Variants in ARF4 observed in about 807,000 individuals in gnomAD.
ARF4 encodes the protein ADP-ribosylation factor 4.
Under a neutral mutation model 24.3 loss-of-function variants are expected in ARF4, and 5 were observed. The observed-to-expected ratio is 0.21, with a 90% CI of 0.11 to 0.43. ARF4 has a LOEUF of 0.43. Ranked by LOEUF, ARF4 falls within the 20% of genes least tolerant of loss-of-function variation. The pLI is 1.00. For synonymous variants in ARF4, 62 were observed against 73.5 expected (o/e 0.84, Z 0.80); for missense variants, 107 against 213.0 (o/e 0.50, Z 3.10).
chr3:57,572,328 T>A (rs770416100), intron 5 of ARF4, 30 bp from the exon 6 acceptor site: 6 of 1,524,236 alleles, frequency 3.9e-6, no homozygotes, highest in Non-Finnish European at 5.4e-6. Context: ...AAATACTTGA[T>A]TAACAAAGTT....
intron 1 of ARF4, among the ~76,000 whole-genome samples, chr3:57,585,819 CA>C (rs1264366877): frequency 1.3e-5 from 2 of 152,016 alleles, no homozygotes; most frequent in Non-Finnish European, 2.9e-5. Flanking sequence ...CGTGCCACCA[CA>C]CCCCAGCTAA....
At chr3:57,576,502 AG>A (rs1182758741) in intron 4 of ARF4, among the ~76,000 whole-genome samples, 1 of 144,216 alleles carries the variant, frequency 6.9e-6, no homozygotes, top group Non-Finnish European at 1.5e-5. Context: ...GTCTCAACCA[AG>A]CTTTTTTTTT....
chr3:57,590,346 C>T (rs1248768950), intron 1 of ARF4, among the ~76,000 whole-genome samples: 11 of 151,330 alleles, frequency 7.3e-5, no homozygotes, highest in African/African-American at 2.4e-4. Context: ...ATTAGCCGGG[C>T]GCAGTGGCGG....
chr3:57,576,376 T>C (rs1575780807), intron 4 of ARF4, among the ~76,000 whole-genome samples: 1 of 152,150 alleles, frequency 6.6e-6, no homozygotes, highest in Non-Finnish European at 1.5e-5. Context: ...AAGATTTCTT[T>C]GAGGGTGATG....
At chr3:57,594,566 T>A (rs1045019041) in intron 1 of ARF4, among the ~76,000 whole-genome samples, 13 of 152,262 alleles carry the variant, frequency 8.5e-5, no homozygotes, top group African/African-American at 3.1e-4. Flanking sequence ...CTTTTAAAGT[T>A]ACTTGAACTT....
At chr3:57,597,053 G>T in intron 1 of ARF4, 21 bp downstream of exon 1, 1 of 1,612,738 alleles carries the variant, frequency 6.2e-7, no homozygotes, top group Non-Finnish European at 8.5e-7. Context: ...GGTCCCGCCT[G>T]ACTCGCAGCC....
At chr3:57,588,322 TGG>T (rs1559786232) in intron 1 of ARF4, among the ~76,000 whole-genome samples, 1 of 152,176 alleles carries the variant, frequency 6.6e-6, no homozygotes, top group African/African-American at 2.4e-5. Context: ...CCTAGCACTT[TGG>T]GAGGCTGAGG....
At chr3:57,585,198 G>A (rs1297139519) in intron 1 of ARF4, among the ~76,000 whole-genome samples, 1 of 152,076 alleles carries the variant, frequency 6.6e-6, no homozygotes, top group Non-Finnish European at 1.5e-5. Context: ...ATTAGAAGTT[G>A]ATTCAGACAA....
intron 3 of ARF4, among the ~76,000 whole-genome samples, chr3:57,579,040 TA>T (rs1156533091): frequency 6.6e-6 from 1 of 152,044 alleles, no homozygotes; most frequent in Non-Finnish European, 1.5e-5. Flanking sequence ...CTTTCGCCTG[TA>T]ATCCCAGCAT....
Position 57,583,893 on chromosome 3 carries a change from C to G in ARF4, c.258+5G>C. On this transcript the variant is annotated splice_donor_5th_base_variant and intron_variant, in intron 3 of 5. Transcript: ENST00000303436. ...AAAGTTATAAAAACATACAGTATCC[C>G]TTACCTGGGTATTCTGGAAGTAATG... 1.9e-6 allele frequency: 3 copies of G among 1,572,700 alleles called. No individual in the cohort carries two copies. Among genetic ancestry groups the G allele is most frequent in the Non-Finnish European group, 2.6e-6 (3 of 1,146,074 alleles).
intron 3 of ARF4, among the ~76,000 whole-genome samples, chr3:57,581,997 A>G (rs7638641): frequency 0.75 from 113,809 of 152,070 alleles, 44,698 homozygotes; most frequent in East Asian, 1. Flanking sequence ...CATAACAAAG[A>G]AAAAACTCCC....
At chr3:57,593,088 A>G (rs1266428524) in intron 1 of ARF4, among the ~76,000 whole-genome samples, 1 of 152,130 alleles carries the variant, frequency 6.6e-6, no homozygotes, top group Non-Finnish European at 1.5e-5. Flanking sequence ...CTGTAGTCCT[A>G]GCTACTCCAG....
At chr3:57,573,046 C>T (rs549969997) in intron 5 of ARF4, among the ~76,000 whole-genome samples, 3 of 151,442 alleles carry the variant, frequency 2.0e-5, no homozygotes, top group African/African-American at 7.3e-5. Context: ...ACTAAAAATA[C>T]AAAAAATTAG....
chr3:57,577,754 G>A (rs917965717), intron 3 of ARF4, among the ~76,000 whole-genome samples: 3 of 152,192 alleles, frequency 2.0e-5, no homozygotes, highest in Non-Finnish European at 4.4e-5. Context: ...CTAAAGAATC[G>A]TGAATTTGGC....
At chr3:57,580,680 C>T (rs1028760247) in intron 3 of ARF4, among the ~76,000 whole-genome samples, 2 of 152,142 alleles carry the variant, frequency 1.3e-5, no homozygotes, top group African/African-American at 4.8e-5. Flanking sequence ...AGGCATAAGC[C>T]ATAGCACCCG....
chr3:57,572,041 C>A lies in ARF4; in HGVS notation c.*171G>T. Reference sequence around the variant, plus strand: ...AATTTCTTTAAAACCAAGCACATTGCTAAATAGCAACATTATACTCGGTAA... The same window carrying A: ...AATTTCTTTAAAACCAAGCACATTGATAAATAGCAACATTATACTCGGTAA... On this transcript the variant is annotated 3_prime_UTR_variant, in exon 6 of 6. Transcript: ENST00000303436. The A allele has an allele frequency of 1.9e-6, 1 of 537,054 alleles. No homozygotes were observed. The highest frequency in any genetic ancestry group is 3.3e-6 in the Non-Finnish European group (1 of 301,638). 33.3% of individuals were successfully genotyped at this position (537,054 alleles called of 1,614,324 possible).
intron 3 of ARF4, among the ~76,000 whole-genome samples, chr3:57,577,704 A>C (rs2069923323): frequency 6.6e-6 from 1 of 152,138 alleles, no homozygotes; most frequent in Non-Finnish European, 1.5e-5. Flanking sequence ...CAAAATAGCC[A>C]CAAAGTAGGA....
At chr3:57,589,562 A>G (rs907376553) in intron 1 of ARF4, among the ~76,000 whole-genome samples, 1 of 151,632 alleles carries the variant, frequency 6.6e-6, no homozygotes, top group African/African-American at 2.4e-5. Flanking sequence ...TACTAAAAAT[A>G]CAAAAATTAG....
intron 1 of ARF4, among the ~76,000 whole-genome samples, chr3:57,587,544 T>G (rs2070054355): frequency 6.6e-6 from 1 of 152,048 alleles, no homozygotes; most frequent in Non-Finnish European, 1.5e-5. Context: ...CCAAAAATCA[T>G]GTATTACTTT....
Sources: gnomAD v4.1 joint callset for allele counts (sites outside exome capture counted in the v4.1 genomes callset) on GRCh38, gnomAD v4.1.1 for gene constraint, MANE v1.5 for transcripts, NCBI Gene and HGNC (gene_info 2026-07-23, HGNC 2026-07-21) for gene names.